Variants in TBC1D19 observed in about 807,000 individuals in gnomAD.
TBC1D19 encodes the protein TBC1 domain family member 19, also known as TBC1 domain family, member 19.
In TBC1D19, 60 loss-of-function variants were observed where a neutral mutation model predicts 89.0. The observed-to-expected ratio is 0.67, with a 90% confidence interval of 0.55 to 0.84. TBC1D19 has a LOEUF of 0.84. TBC1D19 is among the 40% of genes least tolerant of loss of function. TBC1D19 has a pLI of 0.00. For synonymous variants in TBC1D19, 189 were observed against 199.7 expected (o/e 0.95, Z 0.45); for missense variants, 500 against 610.8 (o/e 0.82, Z 1.91).
chr4:26,849,333 A>G, the TBC1D19 span, among the ~76,000 whole-genome samples: 1 of 152,226 alleles, frequency 6.6e-6, no homozygotes, highest in Admixed American at 6.5e-5. Context: ...ACTCTTCTGT[A>G]AGAAAGTTTC....
In TBC1D19 at chr4:26,739,798, A is replaced by T. The variant is rs577828072; in HGVS notation, c.1118-66A>T. 2.2e-4 allele frequency: 197 copies of T among 903,318 alleles called. 2 individuals carry two copies. The African/African-American group carries it at 3.1e-3, about 14-fold the overall frequency. 56.0% of individuals were successfully genotyped at this position (903,318 alleles called of 1,614,324 possible). Reference sequence around the variant, plus strand: ...ATAAAATAGTGATTTATTATGACATATTTTATAAATTTATCTTAACATTTC... The same window carrying T: ...ATAAAATAGTGATTTATTATGACATTTTTTATAAATTTATCTTAACATTTC... On this transcript the variant is annotated intron_variant, in intron 16 of 20. Coordinates refer to ENST00000264866, the MANE Select transcript of TBC1D19 (RefSeq NM_018317.4).
At position 26,683,674 on chromosome 4, in the gene TBC1D19, G is replaced by C; in HGVS notation, c.817-1G>C. The C allele has an allele frequency of 6.2e-7, 1 of 1,607,364 alleles. No individual in the cohort carries two copies. Among genetic ancestry groups the C allele is most frequent in the Non-Finnish European group, 8.5e-7 (1 of 1,177,610 alleles). On this transcript the variant is annotated splice_acceptor_variant, in intron 11 of 20. Transcript: ENST00000264866. LOFTEE classifies it high-confidence loss of function. ...TTTTTTTGTTTTACTTTTAAATTTA[G>C]GATGTCTTGTATTATGAGCAGCTTA...
intron 18 of TBC1D19, among the ~76,000 whole-genome samples, chr4:26,748,002 G>T (rs2109328103): frequency 6.6e-6 from 1 of 152,172 alleles, no homozygotes; most frequent in Non-Finnish European, 1.5e-5. Flanking sequence ...TTATTAAATT[G>T]AGAAAATATG....
chr4:26,755,435 T>C lies in TBC1D19; in HGVS notation c.*488T>C, dbSNP rs1321685227. 1 of 152,150 alleles carries C rather than the reference T, an allele frequency of 6.6e-6. No homozygotes were observed. Among genetic ancestry groups the C allele is most frequent in the African/African-American group, 2.4e-5 (1 of 41,442 alleles). The allele number at this position is 152,150 out of a possible 1,614,324, so 9.4% of individuals were successfully genotyped here. On this transcript the variant is annotated 3_prime_UTR_variant, in exon 21 of 21. Transcript: ENST00000264866. Reference sequence around the variant, plus strand: ...GAACACTTGAAAAAGATAATGTTTTTAAGTAGGAATTCAAAAGTTGCTTAA... The same window carrying C: ...GAACACTTGAAAAAGATAATGTTTTCAAGTAGGAATTCAAAAGTTGCTTAA...
At chr4:26,818,458 G>A in the TBC1D19 span, among the ~76,000 whole-genome samples, 1 of 152,118 alleles carries the variant, frequency 6.6e-6, no homozygotes, top group African/African-American at 2.4e-5. Flanking sequence ...GTCTCACCAT[G>A]TTGCCCAAGC....
chr4:26,833,504 G>A, the TBC1D19 span, among the ~76,000 whole-genome samples: 491 of 152,244 alleles, frequency 3.2e-3, 4 homozygotes, highest in Middle Eastern at 0.01. Context: ...CTATAGTTTT[G>A]TCTTTTCCAG....
At chr4:26,663,212 T>C (rs1431692304) in intron 8 of TBC1D19, 2 of 152,168 alleles carry the variant, frequency 1.3e-5, no homozygotes, top group African/African-American at 4.8e-5. Flanking sequence ...GAAAAATCAG[T>C]TTAATTATAA....
the TBC1D19 span, among the ~76,000 whole-genome samples, chr4:26,847,276 G>C: frequency 1.3e-5 from 2 of 152,182 alleles, no homozygotes; most frequent in Non-Finnish European, 2.9e-5. Context: ...GTAGTGATAA[G>C]GGCTATGGAG....
chr4:26,655,579 C>T (rs752032651), intron 7 of TBC1D19, among the ~76,000 whole-genome samples: 3 of 152,206 alleles, frequency 2.0e-5, no homozygotes, highest in Non-Finnish European at 4.4e-5. Flanking sequence ...TGGCACGCGC[C>T]CCTCTCCCAG....
intron 7 of TBC1D19, among the ~76,000 whole-genome samples, chr4:26,649,867 C>A (rs564106116): frequency 6.6e-6 from 1 of 152,252 alleles, no homozygotes; most frequent in South Asian, 2.1e-4. Flanking sequence ...CCCCTCTCCC[C>A]CAACCCCACA....
intron 7 of TBC1D19, among the ~76,000 whole-genome samples, chr4:26,642,983 CTT>C (rs1421039059): frequency 3.3e-5 from 5 of 152,164 alleles, no homozygotes; most frequent in Non-Finnish European, 7.3e-5. Context: ...TAATGGGAGA[CTT>C]TAACACCCCA....
chr4:26,725,440 C>A (rs1270236106), intron 15 of TBC1D19, among the ~76,000 whole-genome samples: 3 of 152,012 alleles, frequency 2.0e-5, no homozygotes, highest in Admixed American at 2.0e-4. Flanking sequence ...AAGACAAAGT[C>A]TTGCTCTGTC....
At chr4:26,740,364 C>T (rs763389868) in intron 17 of TBC1D19, among the ~76,000 whole-genome samples, 3 of 152,138 alleles carry the variant, frequency 2.0e-5, no homozygotes, top group Non-Finnish European at 4.4e-5. Context: ...TAGTGCTTGG[C>T]TCCTCGCAGG....
At chr4:26,814,109 A>G in the TBC1D19 span, among the ~76,000 whole-genome samples, 26 of 151,970 alleles carry the variant, frequency 1.7e-4, no homozygotes, top group Admixed American at 1.7e-3. Flanking sequence ...CAGCCCCTCC[A>G]TTTGAGCCTC....
intron 7 of TBC1D19, among the ~76,000 whole-genome samples, chr4:26,652,966 T>C (rs904322695): frequency 2.0e-5 from 3 of 152,188 alleles, no homozygotes; most frequent in African/African-American, 4.8e-5. Flanking sequence ...TGTTAGGGTG[T>C]CAATTTTAGA....
chr4:26,594,559 A>G (rs1164032438), intron 1 of TBC1D19, among the ~76,000 whole-genome samples: 1 of 152,210 alleles, frequency 6.6e-6, no homozygotes, highest in Non-Finnish European at 1.5e-5. Context: ...TTAGACAGAT[A>G]AACTCAAGCC....
chr4:26,845,174 G>C, the TBC1D19 span, among the ~76,000 whole-genome samples: 6 of 152,154 alleles, frequency 3.9e-5, no homozygotes, highest in African/African-American at 1.4e-4. Flanking sequence ...TCCTGGGGCT[G>C]CCAGGTTAGT....
chr4:26,691,833 GT>G (rs2109170466), intron 13 of TBC1D19, among the ~76,000 whole-genome samples: 1 of 152,198 alleles, frequency 6.6e-6, no homozygotes, highest in Admixed American at 6.5e-5. Flanking sequence ...AATAATACTA[GT>G]TTGCCAATAA....
intron 11 of TBC1D19, among the ~76,000 whole-genome samples, chr4:26,677,244 C>T (rs1490393307): frequency 1.3e-5 from 2 of 151,900 alleles, no homozygotes; most frequent in Admixed American, 1.3e-4. Context: ...TTCAAAATAC[C>T]ATCATTTCTT....
Sources: gnomAD v4.1 joint callset for allele counts (sites outside exome capture counted in the v4.1 genomes callset) on GRCh38, gnomAD v4.1.1 for gene constraint, MANE v1.5 for transcripts, NCBI Gene and HGNC (gene_info 2026-07-23, HGNC 2026-07-21) for gene names.